Variants in NAV1 observed in about 807,000 individuals in gnomAD.
NAV1 encodes pore membrane and/or filament interacting like protein 3.
NAV1 carries 18 observed loss-of-function variants against 175.2 expected under a neutral mutation model. The ratio of observed to expected loss-of-function variants is 0.10; its 90% CI spans 0.07 to 0.15. The LOEUF (loss-of-function observed/expected upper bound fraction) is 0.15. Among genes scored for constraint, NAV1 ranks in the 10% least tolerant of loss-of-function variants. The pLI, the probability that NAV1 is intolerant of heterozygous loss-of-function variation, is 1.00. For missense variants in NAV1, 1,731 were observed against 2,436.6 expected (o/e 0.71, Z 6.10); for synonymous variants, 897 against 978.7 (o/e 0.92, Z 1.56).
At chr1:201,809,008 G>T in intron 20 of NAV1, 137 bp downstream of exon 24, 1 of 1,285,338 alleles carries the variant, frequency 7.8e-7, no homozygotes, top group Non-Finnish European at 1.1e-6. Flanking sequence ...AAGACACTGA[G>T]TTGTAATGGT....
intron 1 of NAV1, among the ~76,000 whole-genome samples, chr1:201,659,073 G>A (rs184772417): frequency 9.8e-4 from 150 of 152,306 alleles, no homozygotes; most frequent in South Asian, 8.1e-3. Context: ...CCCCAGCCCT[G>A]GGAAGTGCTC....
intron 2 of NAV1, among the ~76,000 whole-genome samples, chr1:201,612,020 T>C (rs1417677880): frequency 6.6e-6 from 1 of 152,170 alleles, no homozygotes; most frequent in Non-Finnish European, 1.5e-5. Flanking sequence ...TGTATATCTG[T>C]GTGTATCAGT....
chr1:201,767,722 G>C (rs12081708), intron 3 of NAV1, among the ~76,000 whole-genome samples: 2,429 of 152,004 alleles, frequency 0.016, 78 homozygotes, highest in African/African-American at 0.055. Context: ...CTTAACAAAG[G>C]AGTCCACTTG....
chr1:201,678,463 G>A (rs1183497271), intron 1 of NAV1, among the ~76,000 whole-genome samples: 1 of 152,198 alleles, frequency 6.6e-6, no homozygotes, highest in African/African-American at 2.4e-5. Context: ...AGATGAGGGT[G>A]TTGAGGCACA....
rs770839491 is a variant in NAV1, at chr1:201,781,013, T to A, written c.1367T>A (p.Leu456Gln). The change falls in exon 5 of 30, where the codon CTA becomes CAA. Residue 456 changes from leucine (L) to glutamine (Q), a missense_variant and splice_region_variant. Around this residue, in one of 13 missense-constraint regions of NAV1, gnomAD observed 634 missense variants for 766.8 expected, o/e 0.83. Coordinates refer to ENST00000367296, the Ensembl canonical transcript of NAV1. ...TCTGCCTTTTTCTCTTTTCTTTAGC[T>A]ACGCACAGACTCAGAGAAGCGCTCA... The A allele has an allele frequency of 1.9e-6, 3 of 1,606,302 alleles. No individual in the cohort carries two copies. In the Admixed American group the frequency reaches 5.1e-5, roughly 27 times the overall value.
In NAV1 at chr1:201,623,338, T is replaced by C; in HGVS notation, c.-369T>C. 15 of 985,862 alleles carry C rather than the reference T, an allele frequency of 1.5e-5. 1 individual carries two copies. Among genetic ancestry groups the C allele is most frequent in the Non-Finnish European group, 1.8e-5 (15 of 829,950 alleles). The allele number at this position is 985,862 out of a possible 1,614,324, so 61.1% of individuals were successfully genotyped here. ...GGGCAGAAGCCCTTCTCGGACGAGC[T>C]TTCACGGAGAAACTCAAATACCAGG... On this transcript the variant is annotated 5_prime_UTR_variant, in exon 1 of 30. Coordinates refer to the NAV1 transcript ENST00000367302.
At chr1:201,780,089 G>A (rs928321882) in intron 3 of NAV1, among the ~76,000 whole-genome samples, 1 of 152,214 alleles carries the variant, frequency 6.6e-6, no homozygotes, top group Non-Finnish European at 1.5e-5. Flanking sequence ...AAGAATGGAG[G>A]TTGTTTACAG....
In NAV1 at chr1:201,568,457, T is replaced by G. The variant is rs965316330; in HGVS notation, c.-143-20082T>G. Among the ~76,000 whole-genome samples the G allele has an allele frequency of 4.6e-5, 7 of 152,170 alleles. No homozygotes were observed. The South Asian group carries it at 1.5e-3, about 32-fold the overall frequency. On this transcript the variant is annotated intron_variant, in intron 1 of 33. Transcript: ENST00000685211. Reference sequence around the variant, plus strand: ...GGTGCTGTATCTGTTCCCTCTGAGTTTTGGGTGGTGGTATGTCTGGCCACA... The same window carrying G: ...GGTGCTGTATCTGTTCCCTCTGAGTGTTGGGTGGTGGTATGTCTGGCCACA...
intron 3 of NAV1, among the ~76,000 whole-genome samples, chr1:201,756,504 A>G (rs913104031): frequency 1.3e-5 from 2 of 152,160 alleles, no homozygotes; most frequent in South Asian, 4.2e-4. Context: ...TTTATAACTA[A>G]ACATTTGGTC....
chr1:201,552,908 G>T (rs1248330913), intron 1 of NAV1, among the ~76,000 whole-genome samples: 2 of 152,146 alleles, frequency 1.3e-5, no homozygotes, highest in Non-Finnish European at 2.9e-5. Flanking sequence ...TCAGATGGAC[G>T]GGTGGAAGGG....
At chr1:201,726,648 CAA>C (rs369489372) in intron 3 of NAV1, among the ~76,000 whole-genome samples, 102 of 109,986 alleles carry the variant, frequency 9.3e-4, no homozygotes, top group African/African-American at 3.0e-3. Flanking sequence ...AACTCCATCT[CAA>C]AAAAAAAAAA....
intron 1 of NAV1, among the ~76,000 whole-genome samples, chr1:201,555,787 A>G (rs1298836589): frequency 1.3e-5 from 2 of 149,342 alleles, no homozygotes; most frequent in East Asian, 2.0e-4. Flanking sequence ...GAGAGGCCAG[A>G]AAAGGGAGGG....
At chr1:201,649,491 T>A (rs1022259320) in intron 1 of NAV1, 66 bp downstream of exon 5, 1 of 1,433,514 alleles carries the variant, frequency 7.0e-7, no homozygotes, top group Non-Finnish European at 9.1e-7. Context: ...GGGGAAGGTG[T>A]GGGGAAAGCG....
chr1:201,673,603 G>A lies in NAV1; in HGVS notation c.757+24178G>A, dbSNP rs142286272. Among the ~76,000 whole-genome samples, 925 of 152,224 alleles carry A rather than the reference G, an allele frequency of 6.1e-3. 9 individuals are homozygous for A. The highest frequency in any genetic ancestry group is 0.02 in the African/African-American group (838 of 41,518). ...CTAAGCTCAATGCAGAAATTCAAAC[G>A]CAAGGAACAGGCCCTGCCCTCAGAG... On this transcript the variant is annotated intron_variant, in intron 1 of 29. Transcript: ENST00000367296.
rs528591250 is a variant in NAV1, at chr1:201,543,462, T to C, written c.-144+4120T>C. 9.9e-5 allele frequency among the ~76,000 whole-genome samples: 15 copies of C among 152,266 alleles called. No individual in the cohort carries two copies. In the South Asian group the frequency reaches 2.5e-3, roughly 25 times the overall value. On this transcript the variant is annotated intron_variant, in intron 1 of 33. Transcript: ENST00000685211. ...CCTTACACTGATTGTTTTTCTTAAG[T>C]TGAATCACTCTTTTAGTCCTGGGAT... is the stretch of plus-strand genomic sequence containing the variant.
chr1:201,770,899 A>G (rs1675532384), intron 3 of NAV1, among the ~76,000 whole-genome samples: 1 of 152,160 alleles, frequency 6.6e-6, no homozygotes, highest in African/African-American at 2.4e-5. Context: ...CAGGACCTTC[A>G]CTGATTATAC....
In NAV1 at chr1:201,810,372, C is replaced by G; in HGVS notation, c.4562-151C>G. 1.2e-6 allele frequency: 1 copy of G among 824,030 alleles called. No homozygotes were observed. The highest frequency in any genetic ancestry group is 1.9e-6 in the Non-Finnish European group (1 of 533,708). 51.0% of individuals were successfully genotyped at this position (824,030 alleles called of 1,614,324 possible). A position where few individuals can be genotyped will look rare whatever the true frequency, so the allele number is the denominator to read the frequency against. ...AAAAAGAAGATCTAAGTTTTCAAAA[C>G]TAGGGGTTAAGGGACTCTTATGGAA... On this transcript the variant is annotated intron_variant, in intron 23 of 29. Transcript: ENST00000367296. The surrounding 1 kb of genome is among the most constrained non-coding windows in gnomAD (Gnocchi z 6.0).
At chr1:201,644,126 T>C (rs1668897630), upstream of NAV1, among the ~76,000 whole-genome samples, 1 of 152,186 alleles carries the variant, frequency 6.6e-6, no homozygotes, top group African/African-American at 2.4e-5. Context: ...GGTTACTGAC[T>C]TCACCAGCAC....
At chr1:201,560,924 T>C (rs1323505895) in intron 1 of NAV1, among the ~76,000 whole-genome samples, 1 of 152,142 alleles carries the variant, frequency 6.6e-6, no homozygotes, top group African/African-American at 2.4e-5. Flanking sequence ...TCAGGGAACA[T>C]AGTCAGCATT....
Sources: gnomAD v4.1 joint callset for allele counts (sites outside exome capture counted in the v4.1 genomes callset) on GRCh38, gnomAD v4.1.1 for gene constraint, gnomAD v4.1.1 regional missense constraint, Gnocchi (gnomAD v3.1) non-coding constraint, MANE v1.5 for transcripts, NCBI Gene and HGNC (gene_info 2026-07-23, HGNC 2026-07-21) for gene names.